MYO5B: variants seen among roughly 807,000 people sequenced by gnomAD.
MYO5B encodes myosin VB, also known as unconventional myosin-Vb.
A neutral mutation model predicts 229.3 loss-of-function variants in MYO5B; 143 were observed. That is an observed-to-expected ratio of 0.62 (90% CI 0.54 to 0.72). The LOEUF (loss-of-function observed/expected upper bound fraction) is 0.72, where lower values mean the gene tolerates loss of function less well. Ranked by LOEUF, MYO5B falls within the 30% of genes least tolerant of loss-of-function variation. MYO5B has a pLI of 0.00. For synonymous variants in MYO5B, 918 were observed against 885.2 expected, an observed-to-expected ratio of 1.04 and a Z score of -0.66; for missense variants, 2,321 against 2,331.0, an observed-to-expected ratio of 1.00 and a Z score of 0.09.
intron 6 of MYO5B, 84 bp from the exon 7 acceptor site, chr18:49,990,604 G>A (rs2025920566): frequency 1.2e-5 from 14 of 1,160,428 alleles, no homozygotes; most frequent in Non-Finnish European, 1.5e-5. Flanking sequence ...GGGTGCTCCA[G>A]GTGGTGGAGG....
intron 2 of MYO5B, 123 bp downstream of exon 2, chr18:50,055,145 C>T: frequency 1.4e-6 from 1 of 718,100 alleles, no homozygotes. Context: ...AATCCAAGGG[C>T]TCAAGAGCTC....
At chr18:49,942,719 G>C (rs1161673304) in intron 14 of MYO5B, among the ~76,000 whole-genome samples, 1 of 151,592 alleles carries the variant, frequency 6.6e-6, no homozygotes, top group East Asian at 1.9e-4. Context: ...GAAACAACAG[G>C]TGCTGGAGAG....
At chr18:50,148,531 T>C (rs1034488075) in intron 1 of MYO5B, among the ~76,000 whole-genome samples, 10 of 152,324 alleles carry the variant, frequency 6.6e-5, no homozygotes, top group East Asian at 1.9e-4. Flanking sequence ...TGGTTCAATA[T>C]ATGCAAATCA....
intron 2 of MYO5B, among the ~76,000 whole-genome samples, chr18:50,044,895 A>AG (rs1007691182): frequency 4.0e-5 from 6 of 150,610 alleles, no homozygotes; most frequent in East Asian, 3.9e-4. Flanking sequence ...AGCAAGTAGG[A>AG]GGGGGGAAAA....
intron 1 of MYO5B, among the ~76,000 whole-genome samples, chr18:50,107,716 T>G (rs1038262648): frequency 1.3e-5 from 2 of 152,206 alleles, no homozygotes; most frequent in African/African-American, 4.8e-5. Context: ...ATACCCTAGT[T>G]AATCATTCTC....
intron 1 of MYO5B, among the ~76,000 whole-genome samples, chr18:50,154,803 CA>C (rs1293563843): frequency 6.6e-6 from 1 of 152,194 alleles, no homozygotes; most frequent in Non-Finnish European, 1.5e-5. Context: ...AAGAGGGGTT[CA>C]AGCTTCCTTC....
intron 27 of MYO5B, among the ~76,000 whole-genome samples, chr18:49,870,907 T>C (rs2024449097): frequency 1.3e-5 from 2 of 152,280 alleles, no homozygotes; most frequent in Admixed American, 1.3e-4. Context: ...AAATTAATAA[T>C]AGGATGGCCA....
intron 1 of MYO5B, chr18:50,126,431 G>C (rs1473384791): frequency 6.5e-6 from 1 of 154,830 alleles, no homozygotes; most frequent in Non-Finnish European, 1.5e-5. Flanking sequence ...TTAAGGCAGA[G>C]ACCACAAAGT....
At chr18:49,942,446 A>C (rs1241455954) in intron 14 of MYO5B, among the ~76,000 whole-genome samples, 2 of 150,814 alleles carry the variant, frequency 1.3e-5, no homozygotes, top group Admixed American at 6.6e-5. Flanking sequence ...AATGGGAGAA[A>C]ATTTTTGCAA....
chr18:49,861,568 T>C (rs1228887240), intron 29 of MYO5B, among the ~76,000 whole-genome samples: 1 of 152,232 alleles, frequency 6.6e-6, no homozygotes, highest in Non-Finnish European at 1.5e-5. Flanking sequence ...CTCCCTCCTT[T>C]AGGGAAAAGA....
chr18:49,969,970 A>G (rs2025673345), intron 10 of MYO5B: 2 of 152,256 alleles, frequency 1.3e-5, no homozygotes, highest in African/African-American at 4.8e-5. Flanking sequence ...CTACCTTGGC[A>G]TCTTGAAGGC....
chr18:49,972,118 C>T (rs2025698665), intron 10 of MYO5B, among the ~76,000 whole-genome samples: 1 of 152,136 alleles, frequency 6.6e-6, no homozygotes, highest in Non-Finnish European at 1.5e-5. Flanking sequence ...GAGGAGCTGG[C>T]ACTAGGAACA....
intron 16 of MYO5B, among the ~76,000 whole-genome samples, chr18:49,932,282 A>G (rs62098758): frequency 0.27 from 40,366 of 151,810 alleles, 5,865 homozygotes; most frequent in Middle Eastern, 0.38. Flanking sequence ...CTCCCCTCAC[A>G]CAGCACAGCA....
At chr18:50,186,333 A>G (rs1008569931) in intron 1 of MYO5B, among the ~76,000 whole-genome samples, 6 of 152,346 alleles carry the variant, frequency 3.9e-5, no homozygotes, top group Admixed American at 3.9e-4. Flanking sequence ...CCTGCATTGT[A>G]TGGATTGTTT....
rs1411484256 is a variant in MYO5B at position 49,825,009 on chromosome 18, G to T, written c.*1462C>A. Reference sequence around the variant, plus strand: ...TGCTGTGTTTCCAAGAGCCTTTTAAGTTGGGTGGTTGAGTAAAAGAGGGTG... The same window carrying T: ...TGCTGTGTTTCCAAGAGCCTTTTAATTTGGGTGGTTGAGTAAAAGAGGGTG... On this transcript the variant is annotated 3_prime_UTR_variant, in exon 40 of 40. Transcript: ENST00000285039. 6.6e-6 allele frequency: 1 copy of T among 152,268 alleles called. No homozygotes were observed. The highest frequency in any genetic ancestry group is 2.1e-4 in the South Asian group (1 of 4,836). The allele number at this position is 152,268 out of a possible 1,614,324, so 9.4% of individuals were successfully genotyped here.
chr18:50,023,525 C>T lies in MYO5B; in HGVS notation c.455+13325G>A, dbSNP rs183478293. 2.6e-5 allele frequency among the ~76,000 whole-genome samples: 4 copies of T among 152,210 alleles called. No homozygotes were observed. In the East Asian group the frequency reaches 7.7e-4, roughly 29 times the overall value. The stretch of plus-strand genomic sequence containing the variant: ...AGAGGGCCATGATCCTCTTCTCTGG[C>T]CAGTTGAGTTAGAATCCTGGCTCAA... On this transcript the variant is annotated intron_variant, in intron 4 of 39. Transcript: ENST00000285039.
intron 2 of MYO5B, among the ~76,000 whole-genome samples, chr18:50,050,942 C>T (rs528651541): frequency 2.6e-5 from 4 of 152,310 alleles, no homozygotes; most frequent in East Asian, 1.9e-4. Context: ...GTGCTCTTGT[C>T]GTGGTTCCAG....
chr18:49,998,796 G>A (rs1214555456), intron 5 of MYO5B, among the ~76,000 whole-genome samples: 2 of 152,176 alleles, frequency 1.3e-5, no homozygotes, highest in Non-Finnish European at 2.9e-5. Flanking sequence ...ACTTGTGTGG[G>A]GGTACCTAGA....
At chr18:50,061,732 G>T (rs987648112) in intron 1 of MYO5B, among the ~76,000 whole-genome samples, 4 of 152,180 alleles carry the variant, frequency 2.6e-5, no homozygotes, top group Non-Finnish European at 5.9e-5. Flanking sequence ...CCCAAGTGAT[G>T]AATGCACTGT....
Sources: gnomAD v4.1 joint callset for allele counts (sites outside exome capture counted in the v4.1 genomes callset) on GRCh38, gnomAD v4.1.1 for gene constraint, MANE v1.5 for transcripts, NCBI Gene and HGNC (gene_info 2026-07-23, HGNC 2026-07-21) for gene names.